The following MYO5B variants were observed in gnomAD, a reference collection of about 807,000 sequenced individuals.
MYO5B encodes myosin VB.
Under a neutral mutation model 229.3 loss-of-function variants are expected in MYO5B, and 143 were observed. That is an observed-to-expected ratio of 0.62 (90% CI 0.54 to 0.72). The LOEUF is 0.72. Among genes scored for constraint, MYO5B ranks in the 30% least tolerant of loss-of-function variants. The pLI is 0.00. For synonymous variants in MYO5B, 918 were observed against 885.2 expected (o/e 1.04, Z -0.66); for missense variants, 2,321 against 2,331.0 (o/e 1.00, Z 0.09).
intron 14 of MYO5B, among the ~76,000 whole-genome samples, chr18:49,943,353 T>C (rs2025337792): frequency 1.3e-5 from 2 of 151,862 alleles, no homozygotes; most frequent in Non-Finnish European, 2.9e-5. Flanking sequence ...AAACTTAAAG[T>C]ATAATTAAAA....
intron 13 of MYO5B, among the ~76,000 whole-genome samples, chr18:49,953,912 G>C (rs1185997388): frequency 8.7e-6 from 1 of 114,766 alleles, no homozygotes; most frequent in Non-Finnish European, 1.9e-5. Flanking sequence ...GTGTGTGTGT[G>C]TGTGTGTGTG....
In MYO5B at chr18:49,981,334, TCTCCCCATTC is replaced by T. The variant is rs1282919724; in HGVS notation, c.947-791_947-782del. On this transcript the variant is annotated intron_variant, in intron 8 of 39. Coordinates refer to ENST00000285039, the MANE Select transcript of MYO5B (RefSeq NM_001080467.3). ...CACTTAGTTTAAGAAATACAGCTGCTCTCCCCATTCCTCCCAGCTGCAGTTAATTTTTAAG... is the reference window on the plus strand; with the variant it reads ...CACTTAGTTTAAGAAATACAGCTGCTCTCCCAGCTGCAGTTAATTTTTAAG... Among the ~76,000 whole-genome samples, 9 of 152,322 alleles carry T rather than the reference TCTCCCCATTC, an allele frequency of 5.9e-5. No homozygotes were observed. The South Asian group carries it at 1.9e-3, about 32-fold the overall frequency.
intron 39 of MYO5B, among the ~76,000 whole-genome samples, chr18:49,829,682 T>C (rs2023890857): frequency 6.6e-6 from 1 of 152,092 alleles, no homozygotes; most frequent in South Asian, 2.1e-4. Flanking sequence ...TAAATACAGA[T>C]GTAAAAGCCC....
At chr18:50,191,899 A>G (rs2033232854) in intron 1 of MYO5B, among the ~76,000 whole-genome samples, 1 of 152,234 alleles carries the variant, frequency 6.6e-6, no homozygotes, top group South Asian at 2.1e-4. Flanking sequence ...CTAAAATTGA[A>G]GCAAGACCAA....
intron 14 of MYO5B, among the ~76,000 whole-genome samples, chr18:49,952,805 G>A (rs1202597521): frequency 6.6e-6 from 1 of 151,800 alleles, no homozygotes; most frequent in African/African-American, 2.4e-5. Context: ...TTATAGAGAG[G>A]TTCTATAGAC....
At chr18:49,936,481 C>T (rs79174337) in intron 15 of MYO5B, 132 bp from the exon 16 acceptor site, 8 of 757,952 alleles carry the variant, frequency 1.1e-5, no homozygotes, top group Non-Finnish European at 1.8e-5. Flanking sequence ...GAAGAAATTT[C>T]AGAGACCTGG....
chr18:49,965,665 G>A (rs893389837), intron 10 of MYO5B, among the ~76,000 whole-genome samples: 1 of 152,194 alleles, frequency 6.6e-6, no homozygotes, highest in African/African-American at 2.4e-5. Context: ...CAGGGAGACT[G>A]AATAAGCTGT....
intron 17 of MYO5B, among the ~76,000 whole-genome samples, chr18:49,912,994 A>G (rs1357269751): frequency 6.6e-6 from 1 of 152,218 alleles, no homozygotes; most frequent in Non-Finnish European, 1.5e-5. Flanking sequence ...GAGAGATAAC[A>G]TGGTTTATGT....
At chr18:50,078,338 C>G (rs1270898926) in intron 1 of MYO5B, among the ~76,000 whole-genome samples, 2 of 152,160 alleles carry the variant, frequency 1.3e-5, no homozygotes, top group African/African-American at 2.4e-5. Context: ...TATGACACAG[C>G]ACAGACAAAG....
chr18:50,032,755 G>A (rs1335212418), intron 4 of MYO5B, among the ~76,000 whole-genome samples: 2 of 152,210 alleles, frequency 1.3e-5, no homozygotes, highest in African/African-American at 2.4e-5. Context: ...GGAGGCCAAG[G>A]CGGGTGGATC....
At chr18:50,095,021 G>A (rs1042841259) in intron 1 of MYO5B, among the ~76,000 whole-genome samples, 1 of 152,070 alleles carries the variant, frequency 6.6e-6, no homozygotes, top group African/African-American at 2.4e-5. Context: ...GTAGAGACAA[G>A]GTTTTGCCAT....
intron 12 of MYO5B, 61 bp downstream of exon 12, chr18:49,962,205 G>A (rs2025567188): frequency 6.2e-7 from 1 of 1,605,294 alleles, no homozygotes; most frequent in Non-Finnish European, 8.5e-7. Flanking sequence ...GAGATCTTAT[G>A]TGATTTCCTT....
At chr18:49,839,750 T>C in intron 35 of MYO5B, 2 of 230,710 alleles carry the variant, frequency 8.7e-6, no homozygotes, top group South Asian at 1.4e-4. Context: ...CTATCACTGG[T>C]TATCAGAATT....
intron 16 of MYO5B, among the ~76,000 whole-genome samples, chr18:49,930,337 T>G (rs2025175804): frequency 6.6e-6 from 1 of 152,158 alleles, no homozygotes; most frequent in Admixed American, 6.5e-5. Flanking sequence ...ACAGATTACT[T>G]TCCAGTCTTC....
At position 49,843,314 on chromosome 18, in the gene MYO5B, T is replaced by A; in HGVS notation, c.4538A>T (p.Asp1513Val). ...CACCTTGAGATCGTCGTTGGTGTAGTCCGCGTGCCGGATGCACATGTAGAG... is the reference window on the plus strand; with the variant it reads ...CACCTTGAGATCGTCGTTGGTGTAGACCGCGTGCCGGATGCACATGTAGAG... ...YILYMCIRHA[D>V]YTNDDLKVHS... The change falls in exon 34 of 40, where the codon GAC becomes GTC. Residue 1513 changes from aspartate to valine, a missense_variant. Physicochemically the swap from Asp to Val is radical, Grantham distance 152 (BLOSUM62 -3). Transcript: ENST00000285039. The A allele has an allele frequency of 6.2e-7, 1 of 1,614,056 alleles. No individual in the cohort carries two copies. The highest frequency in any genetic ancestry group is 8.5e-7 in the Non-Finnish European group (1 of 1,180,022).
Position 50,158,934 on chromosome 18 carries a change from C to G in MYO5B, c.27+35833G>C, listed in dbSNP as rs142182798. ...AACATGAATCTACGCCTGTGCTACC[C>G]TACACCACGATGTTTGCCGTTATCA... On this transcript the variant is annotated intron_variant, in intron 1 of 39. Transcript: ENST00000285039. 1.8e-4 allele frequency among the ~76,000 whole-genome samples: 28 copies of G among 152,304 alleles called. No homozygotes were observed. The East Asian group carries it at 5.4e-3, about 29-fold the overall frequency.
At chr18:49,827,561 G>A (rs547526787) in intron 39 of MYO5B, among the ~76,000 whole-genome samples, 4 of 152,104 alleles carry the variant, frequency 2.6e-5, no homozygotes, top group South Asian at 2.1e-4. Flanking sequence ...AAGTTTAACC[G>A]CAGACTTGAG....
At chr18:49,902,883 G>A in intron 20 of MYO5B, 50 bp from the exon 21 acceptor site, 1 of 1,590,896 alleles carries the variant, frequency 6.3e-7, no homozygotes. Context: ...TGCAGGACAG[G>A]AGTGAAGGAA....
chr18:49,875,473 C>A (rs772707558), intron 26 of MYO5B, among the ~76,000 whole-genome samples: 2 of 152,154 alleles, frequency 1.3e-5, no homozygotes, highest in Non-Finnish European at 2.9e-5. Context: ...CAACAGAAAC[C>A]CGGGGCATGA....
Sources: gnomAD v4.1 joint callset for allele counts (sites outside exome capture counted in the v4.1 genomes callset) on GRCh38, gnomAD v4.1.1 for gene constraint, MANE v1.5 for transcripts, NCBI Gene and HGNC (gene_info 2026-07-23, HGNC 2026-07-21) for gene names.